Variants in FOXP2 observed in about 807,000 individuals in gnomAD.
The protein encoded by FOXP2 is forkhead box protein P2.
A neutral mutation model predicts 115.8 loss-of-function variants in FOXP2; 12 were observed. That is an observed-to-expected ratio of 0.10 (90% CI 0.07 to 0.17). The LOEUF is 0.17. FOXP2 is among the 10% of genes least tolerant of loss of function. The pLI is 1.00. For missense variants in FOXP2, 629 were observed against 843.5 expected, an observed-to-expected ratio of 0.75 and a Z score of 3.15; for synonymous variants, 328 against 297.7, an observed-to-expected ratio of 1.10 and a Z score of -1.05.
chr7:114,278,361 C>CTT (rs374043439), intron 1 of FOXP2, among the ~76,000 whole-genome samples: 1 of 145,596 alleles, frequency 6.9e-6, no homozygotes. Context: ...TGTTGTTTTA[C>CTT]TTTTTTTTTT....
chr7:114,320,409 C>T (rs4730630), intron 2 of FOXP2, among the ~76,000 whole-genome samples: 68,608 of 151,954 alleles, frequency 0.45, 16,055 homozygotes, highest in African/African-American at 0.57. Flanking sequence ...TATACCTCTA[C>T]CATACAACTA....
upstream of FOXP2, among the ~76,000 whole-genome samples, chr7:114,158,760 T>G (rs923844396): frequency 3.3e-5 from 5 of 152,174 alleles, no homozygotes; most frequent in Non-Finnish European, 7.4e-5. Flanking sequence ...GAGAGACCAG[T>G]AACTGATCAC....
chr7:114,169,969 TC>T, intron 1 of FOXP2, among the ~76,000 whole-genome samples: 1 of 152,268 alleles, frequency 6.6e-6, no homozygotes, highest in African/African-American at 2.4e-5. Context: ...TTTTGAGGTC[TC>T]CCCAGCCATG....
chr7:114,099,747 T>G lies in FOXP2; in HGVS notation c.-247+11909T>G, dbSNP rs113706675. Among the ~76,000 whole-genome samples, 255 of 152,266 alleles carry G rather than the reference T, an allele frequency of 1.7e-3. 1 individual carries two copies. Among genetic ancestry groups the G allele is most frequent in the African/African-American group, 5.7e-3 (236 of 41,550 alleles). ...GGATGCTCAAGTCTCTGATATAAAA[T>G]GGTATAGTGTTTGTGGGAATGGGGC... is the stretch of plus-strand genomic sequence containing the variant. On this transcript the variant is annotated intron_variant, in intron 1 of 19. Transcript: ENST00000635638.
At position 114,190,498 on chromosome 7, in the gene FOXP2, G is replaced by A. The variant is rs149050572; in HGVS notation, c.-102+27410G>A. On this transcript the variant is annotated intron_variant, in intron 1 of 17. Transcript: ENST00000634411. Reference sequence around the variant, plus strand: ...GGGGCTCCCCGTCTTAGGCCTTTTGGTGTGGACTGGGAACTACACTTGTGG... The same window carrying A: ...GGGGCTCCCCGTCTTAGGCCTTTTGATGTGGACTGGGAACTACACTTGTGG... Among the ~76,000 whole-genome samples the A allele has an allele frequency of 3.4e-3, 515 of 152,284 alleles. 4 individuals carry two copies. The highest frequency in any genetic ancestry group is 0.012 in the African/African-American group (486 of 41,558).
chr7:114,674,783 TA>T (rs1312765905), intron 16 of FOXP2, among the ~76,000 whole-genome samples: 1 of 152,138 alleles, frequency 6.6e-6, no homozygotes, highest in African/African-American at 2.4e-5. Flanking sequence ...ATTTAGAATG[TA>T]AAAATCTAAA....
At chr7:114,495,274 T>C (rs1199102407) in intron 2 of FOXP2, among the ~76,000 whole-genome samples, 3 of 152,164 alleles carry the variant, frequency 2.0e-5, no homozygotes, top group Non-Finnish European at 4.4e-5. Context: ...AAGATATGCT[T>C]CATTGCAATT....
intron 1 of FOXP2, among the ~76,000 whole-genome samples, chr7:114,180,113 A>G (rs1177062306): frequency 6.6e-6 from 1 of 151,990 alleles, no homozygotes; most frequent in East Asian, 1.9e-4. Context: ...TCACTGCGTT[A>G]GTATTTTGGG....
At chr7:114,547,216 TA>T (rs1799968726) in intron 3 of FOXP2, among the ~76,000 whole-genome samples, 1 of 151,502 alleles carries the variant, frequency 6.6e-6, no homozygotes, top group Admixed American at 6.6e-5. Context: ...ATACTTTTTT[TA>T]GCAATAACAA....
At chr7:114,098,652 C>A (rs1447271504) in intron 1 of FOXP2, among the ~76,000 whole-genome samples, 2 of 152,058 alleles carry the variant, frequency 1.3e-5, no homozygotes, top group Non-Finnish European at 2.9e-5. Flanking sequence ...GACTATTGGC[C>A]TTGGCAATGA....
intron 1 of FOXP2, among the ~76,000 whole-genome samples, chr7:114,260,566 C>A (rs1407456692): frequency 2.0e-5 from 3 of 151,780 alleles, no homozygotes; most frequent in Non-Finnish European, 4.4e-5. Context: ...GTTGGCCTGA[C>A]CTAAATTTTC....
At chr7:114,243,489 G>A (rs1795203943) in intron 1 of FOXP2, among the ~76,000 whole-genome samples, 1 of 152,050 alleles carries the variant, frequency 6.6e-6, no homozygotes, top group African/African-American at 2.4e-5. Flanking sequence ...TTAGTGGGAG[G>A]AGGAGGTTGC....
chr7:114,346,642 A>G (rs185818011), intron 2 of FOXP2, among the ~76,000 whole-genome samples: 4 of 152,018 alleles, frequency 2.6e-5, no homozygotes, highest in Non-Finnish European at 5.9e-5. Flanking sequence ...ATGAACCAGG[A>G]TAACATCATG....
intron 2 of FOXP2, among the ~76,000 whole-genome samples, chr7:114,520,416 C>G (rs1368953386): frequency 6.7e-6 from 1 of 149,388 alleles, no homozygotes; most frequent in African/African-American, 2.4e-5. Flanking sequence ...AACAAAAAGA[C>G]TTAAAAGCAA....
At chr7:114,523,191 GATC>G (rs1477903597) in intron 2 of FOXP2, among the ~76,000 whole-genome samples, 2 of 152,144 alleles carry the variant, frequency 1.3e-5, no homozygotes, top group African/African-American at 4.8e-5. Context: ...TTTATTCAGA[GATC>G]ATCAATGATA....
chr7:114,339,593 T>C (rs1480389084), intron 2 of FOXP2, among the ~76,000 whole-genome samples: 1 of 151,142 alleles, frequency 6.6e-6, no homozygotes, highest in African/African-American at 2.4e-5. Context: ...CTGGGTGTGG[T>C]GTTAGTAACA....
chr7:114,209,451 C>G (rs1207966427), intron 1 of FOXP2, among the ~76,000 whole-genome samples: 2 of 152,160 alleles, frequency 1.3e-5, no homozygotes, highest in Non-Finnish European at 2.9e-5. Flanking sequence ...AAATCCTTTT[C>G]TTTAAGAATG....
At chr7:114,430,327 T>A (rs1420378135) in intron 2 of FOXP2, among the ~76,000 whole-genome samples, 1 of 151,724 alleles carries the variant, frequency 6.6e-6, no homozygotes, top group African/African-American at 2.4e-5. Context: ...AATGAAAATA[T>A]GTATCAAAAT....
At chr7:114,615,557 G>C (rs1402345522) in intron 3 of FOXP2, among the ~76,000 whole-genome samples, 1 of 152,054 alleles carries the variant, frequency 6.6e-6, no homozygotes, top group Admixed American at 6.6e-5. Flanking sequence ...TTTCCAACTC[G>C]ACTTCTCTAG....
Sources: allele counts gnomAD v4.1 joint callset (sites outside exome capture counted in the v4.1 genomes callset), GRCh38; gene constraint gnomAD v4.1.1; transcripts MANE v1.5; gene names NCBI Gene and HGNC (gene_info 2026-07-23, HGNC 2026-07-21).